The following TSPAN9 variants were observed in gnomAD, a reference collection of about 807,000 sequenced individuals.
TSPAN9 encodes tetraspanin-9.
A neutral mutation model predicts 31.0 loss-of-function variants in TSPAN9; 16 were observed. The ratio of observed to expected loss-of-function variants is 0.52; its 90% CI spans 0.35 to 0.78. The LOEUF (loss-of-function observed/expected upper bound fraction) is 0.78, where lower values mean the gene tolerates loss of function less well. TSPAN9 is among the 30% of genes least tolerant of loss of function. The pLI is 0.01. For missense variants in TSPAN9, 272 were observed against 312.5 expected (o/e 0.87, Z 0.98); for synonymous variants, 145 against 121.6 (o/e 1.19, Z -1.27).
chr12:3,243,198 A>G (rs1380760268), intron 3 of TSPAN9, among the ~76,000 whole-genome samples: 1 of 152,068 alleles, frequency 6.6e-6, no homozygotes, highest in Admixed American at 6.5e-5. Flanking sequence ...CCTGTACCCG[A>G]GTTACTGTCC....
rs1862933436 is a variant in TSPAN9 at position 3,283,184 on chromosome 12, C to T, written c.*68C>T. On this transcript the variant is annotated 3_prime_UTR_variant, in exon 9 of 9. Coordinates refer to ENST00000011898, the MANE Select transcript of TSPAN9 (RefSeq NM_006675.5). The stretch of plus-strand genomic sequence containing the variant: ...GAGGGAAGAGGATTGAGCTTTGTGT[C>T]ACCTGCCTGCGCTCTCCAGATATGA... 4.5e-6 allele frequency: 7 copies of T among 1,543,418 alleles called. No homozygotes were observed. Among genetic ancestry groups the T allele is most frequent in the South Asian group, 4.5e-5 (4 of 88,990 alleles).
chr12:3,131,633 C>A (rs1359134572), intron 2 of TSPAN9, among the ~76,000 whole-genome samples: 1 of 152,118 alleles, frequency 6.6e-6, no homozygotes, highest in South Asian at 2.1e-4. Flanking sequence ...GCTTGGCTTC[C>A]GGGAGGTTCC....
In TSPAN9 at chr12:3,102,119, T is replaced by G. The variant is rs181816467; in HGVS notation, c.-18+18400T>G. Among the ~76,000 whole-genome samples, 293 of 151,240 alleles carry G rather than the reference T, an allele frequency of 1.9e-3. 3 individuals are homozygous for G. The highest frequency in any genetic ancestry group is 6.8e-3 in the African/African-American group (278 of 40,670). On this transcript the variant is annotated intron_variant, in intron 2 of 8. Transcript: ENST00000011898. ...CACGCACCTGCTCTTTCCCCCTGCC[T>G]TTTTTTCTTTTTCTTTTTTTTTGAG...
At chr12:3,218,552 C>T (rs965399699) in intron 3 of TSPAN9, among the ~76,000 whole-genome samples, 1 of 152,134 alleles carries the variant, frequency 6.6e-6, no homozygotes, top group Non-Finnish European at 1.5e-5. Context: ...GCGGTAGGAG[C>T]GGGCCTGGCT....
intron 3 of TSPAN9, among the ~76,000 whole-genome samples, chr12:3,223,636 T>G (rs2098385697): frequency 6.6e-6 from 1 of 152,232 alleles, no homozygotes; most frequent in African/African-American, 2.4e-5. Context: ...ATCATCAGTC[T>G]GCACCTGCCT....
chr12:3,194,932 C>G (rs772346190), intron 2 of TSPAN9, among the ~76,000 whole-genome samples: 2 of 152,166 alleles, frequency 1.3e-5, no homozygotes, highest in Non-Finnish European at 2.9e-5. Flanking sequence ...ATGGTTTGCT[C>G]GGCAACGAAA....
At chr12:3,248,529 A>C (rs998828515) in intron 3 of TSPAN9, among the ~76,000 whole-genome samples, 1 of 151,938 alleles carries the variant, frequency 6.6e-6, no homozygotes, top group Non-Finnish European at 1.5e-5. Flanking sequence ...GGTTTCAGCT[A>C]TGGATTCTGA....
At chr12:3,196,746 C>A (rs1234256256) in intron 2 of TSPAN9, among the ~76,000 whole-genome samples, 2 of 152,198 alleles carry the variant, frequency 1.3e-5, no homozygotes, top group Non-Finnish European at 2.9e-5. Context: ...GCATTGCAGC[C>A]TCCACTTCCT....
At chr12:3,251,996 C>T (rs937232435) in intron 3 of TSPAN9, among the ~76,000 whole-genome samples, 4 of 152,300 alleles carry the variant, frequency 2.6e-5, no homozygotes, top group East Asian at 1.9e-4. Context: ...TAAGCCACCA[C>T]ATCGGCCAGC....
In TSPAN9 at chr12:3,143,562, ATATT is replaced by A. The variant is rs1299124798; in HGVS notation, c.-17-57608_-17-57605del. On this transcript the variant is annotated intron_variant, in intron 2 of 8. Coordinates refer to ENST00000011898, the MANE Select transcript of TSPAN9 (RefSeq NM_006675.5). The surrounding 1 kb of genome is among the most constrained non-coding windows in gnomAD (Gnocchi z 4.2). ...TATTTTTATCATTACAGACTCATGG[ATATT>A]TATTTACTTCACAGATAAAAAGTAT... is the stretch of plus-strand genomic sequence containing the variant. Among the ~76,000 whole-genome samples, 2 of 152,258 alleles carry A rather than the reference ATATT, an allele frequency of 1.3e-5. No individual in the cohort carries two copies. The highest frequency in any genetic ancestry group is 3.9e-4 in the East Asian group (2 of 5,194).
chr12:3,176,086 C>CT (rs2098355405), intron 2 of TSPAN9, among the ~76,000 whole-genome samples: 1 of 152,244 alleles, frequency 6.6e-6, no homozygotes, highest in South Asian at 2.1e-4. Context: ...TGAAGTGGCT[C>CT]TCACGCGCTT....
intron 2 of TSPAN9, among the ~76,000 whole-genome samples, chr12:3,142,363 T>C (rs2098335260): frequency 6.6e-6 from 1 of 152,144 alleles, no homozygotes; most frequent in South Asian, 2.1e-4. Flanking sequence ...TGAATGGGGC[T>C]CACGTTGGCC....
chr12:3,080,829 T>TA (rs1303907396), intron 1 of TSPAN9, among the ~76,000 whole-genome samples: 1 of 152,242 alleles, frequency 6.6e-6, no homozygotes, highest in Non-Finnish European at 1.5e-5. Context: ...TGTGCTTTAT[T>TA]AAGCTCCTGC....
At chr12:3,226,742 GTGTATATA>G (rs2098387702) in intron 3 of TSPAN9, among the ~76,000 whole-genome samples, 1 of 3,298 alleles carries the variant, frequency 3.0e-4, no homozygotes, top group African/African-American at 7.5e-4. Context: ...GTGTGTGTGT[GTGTATATA>G]TATATATATA....
intron 2 of TSPAN9, among the ~76,000 whole-genome samples, chr12:3,097,242 G>A (rs572111721): frequency 3.1e-4 from 47 of 152,242 alleles, no homozygotes; most frequent in South Asian, 2.3e-3. Context: ...TCGTCAGCTC[G>A]ACCCAGGGTC....
Position 3,283,805 on chromosome 12 carries a change from CCGTG to C in TSPAN9, c.*692_*695del, listed in dbSNP as rs1862952945. The C allele has an allele frequency of 6.6e-6, 1 of 152,580 alleles. No homozygotes were observed. Among genetic ancestry groups the C allele is most frequent in the African/African-American group, 2.4e-5 (1 of 41,456 alleles). The allele number at this position is 152,580 out of a possible 1,614,324, so 9.5% of individuals were successfully genotyped here. On this transcript the variant is annotated 3_prime_UTR_variant, in exon 9 of 9. Coordinates refer to ENST00000011898, the MANE Select transcript of TSPAN9 (RefSeq NM_006675.5). ...GTCCAGTCTCAATCAGGACAGACCA[CCGTG>C]CGACACCCAGGAGGCTCTCGGATGG...
chr12:3,078,963 A>G (rs1457451007), intron 1 of TSPAN9, among the ~76,000 whole-genome samples: 1 of 144,932 alleles, frequency 6.9e-6, no homozygotes, highest in Non-Finnish European at 1.5e-5. Flanking sequence ...TTCATACGTA[A>G]TCTTGTGAAA....
At chr12:3,089,014 C>T (rs540442800) in intron 2 of TSPAN9, among the ~76,000 whole-genome samples, 11 of 151,928 alleles carry the variant, frequency 7.2e-5, no homozygotes, top group Non-Finnish European at 1.3e-4. Flanking sequence ...AGGCGGATCA[C>T]GAGGTCAGGA....
intron 2 of TSPAN9, among the ~76,000 whole-genome samples, chr12:3,158,459 C>T (rs948725396): frequency 6.6e-6 from 1 of 152,326 alleles, no homozygotes; most frequent in East Asian, 1.9e-4. Context: ...TTCCGTGGCT[C>T]ACGCCTATAA....
Sources: gnomAD v4.1 joint callset for allele counts (sites outside exome capture counted in the v4.1 genomes callset) on GRCh38, gnomAD v4.1.1 for gene constraint, Gnocchi (gnomAD v3.1) non-coding constraint, MANE v1.5 for transcripts, NCBI Gene and HGNC (gene_info 2026-07-23, HGNC 2026-07-21) for gene names.